DSCAM: variants seen among roughly 807,000 people sequenced by gnomAD.
DSCAM encodes the protein DS cell adhesion molecule.
Under a neutral mutation model 217.7 loss-of-function variants are expected in DSCAM, and 47 were observed. The observed-to-expected ratio is 0.22, with a 90% CI of 0.17 to 0.28. The LOEUF is 0.28. DSCAM is among the 10% of genes least tolerant of loss of function. The probability of loss-of-function intolerance (pLI) is 1.00; values close to 1 mark genes in which losing one functional copy is unlikely to be tolerated. For missense variants in DSCAM, 2,080 were observed against 2,618.3 expected (o/e 0.79, Z 4.49); for synonymous variants, 1,056 against 1,015.3 (o/e 1.04, Z -0.76).
intron 9 of DSCAM, among the ~76,000 whole-genome samples, chr21:40,304,085 T>C (rs1439180989): frequency 6.6e-6 from 1 of 152,232 alleles, no homozygotes; most frequent in Non-Finnish European, 1.5e-5. Context: ...ATCAGTCCAC[T>C]GTCATAAGAG....
At chr21:40,549,260 A>T (rs2076610310) in intron 3 of DSCAM, among the ~76,000 whole-genome samples, 1 of 152,226 alleles carries the variant, frequency 6.6e-6, no homozygotes, top group South Asian at 2.1e-4. Context: ...TTAAAGATAC[A>T]TACATTTAAT....
intron 3 of DSCAM, among the ~76,000 whole-genome samples, chr21:40,567,872 G>A (rs1280713172): frequency 1.3e-5 from 2 of 151,898 alleles, no homozygotes; most frequent in African/African-American, 4.8e-5. Context: ...CAGTCTTTAG[G>A]ATATTTTGTT....
intron 3 of DSCAM, among the ~76,000 whole-genome samples, chr21:40,432,857 C>T (rs1046885974): frequency 2.0e-5 from 3 of 152,102 alleles, no homozygotes; most frequent in African/African-American, 7.2e-5. Flanking sequence ...CCAGGTTCCA[C>T]GGTAGCTGAG....
intron 3 of DSCAM, among the ~76,000 whole-genome samples, chr21:40,567,805 T>C (rs890100040): frequency 8.5e-5 from 13 of 152,380 alleles, no homozygotes; most frequent in Admixed American, 3.3e-4. Context: ...CTATTCCTCG[T>C]TAAATGGCAT....
intron 11 of DSCAM, among the ~76,000 whole-genome samples, chr21:40,269,405 A>T (rs1198912919): frequency 6.6e-6 from 1 of 152,174 alleles, no homozygotes; most frequent in Non-Finnish European, 1.5e-5. Context: ...GGTCCCGGCC[A>T]GGGCTCACAC....
intron 1 of DSCAM, among the ~76,000 whole-genome samples, chr21:40,785,915 AATGCTG>A (rs1304559044): frequency 1.3e-5 from 2 of 152,258 alleles, no homozygotes; most frequent in East Asian, 3.9e-4. Flanking sequence ...TTTTTTCCCT[AATGCTG>A]ATATGCAATT....
intron 1 of DSCAM, among the ~76,000 whole-genome samples, chr21:40,714,764 T>C (rs916504656): frequency 1.3e-5 from 2 of 152,198 alleles, no homozygotes; most frequent in Non-Finnish European, 2.9e-5. Flanking sequence ...TTTGGGGTAC[T>C]GGGATTCAAT....
chr21:40,701,585 G>A (rs1601144165), intron 2 of DSCAM, among the ~76,000 whole-genome samples: 1 of 151,908 alleles, frequency 6.6e-6, no homozygotes, highest in African/African-American at 2.4e-5. Flanking sequence ...TATTTTTTTA[G>A]TGGCACTCCC....
chr21:40,260,869 C>G (rs1266688653), intron 11 of DSCAM, among the ~76,000 whole-genome samples: 1 of 152,150 alleles, frequency 6.6e-6, no homozygotes, highest in Non-Finnish European at 1.5e-5. Flanking sequence ...AATAATGAAA[C>G]TAGAGATTGG....
intron 3 of DSCAM, among the ~76,000 whole-genome samples, chr21:40,467,091 G>C (rs1051068092): frequency 6.6e-6 from 1 of 152,162 alleles, no homozygotes; most frequent in African/African-American, 2.4e-5. Context: ...TTGGCCACCA[G>C]AGGGCTCCCA....
At chr21:40,677,532 C>G (rs1000233663) in intron 3 of DSCAM, among the ~76,000 whole-genome samples, 2 of 152,144 alleles carry the variant, frequency 1.3e-5, no homozygotes, top group African/African-American at 4.8e-5. Context: ...ACTTACTCAA[C>G]ATGTCCATGA....
At chr21:40,460,777 C>T (rs8127307) in intron 3 of DSCAM, among the ~76,000 whole-genome samples, 11,036 of 152,034 alleles carry the variant, frequency 0.073, 781 homozygotes, top group African/African-American at 0.18. Flanking sequence ...ACTGTCAGAA[C>T]GGCAGAAATA....
At chr21:40,580,785 T>C (rs2076899066) in intron 3 of DSCAM, among the ~76,000 whole-genome samples, 1 of 152,170 alleles carries the variant, frequency 6.6e-6, no homozygotes, top group Non-Finnish European at 1.5e-5. Flanking sequence ...AGGAAAAATA[T>C]ATGTACCTAC....
At chr21:40,424,542 C>G (rs1462900188) in intron 3 of DSCAM, among the ~76,000 whole-genome samples, 1 of 152,058 alleles carries the variant, frequency 6.6e-6, no homozygotes, top group Non-Finnish European at 1.5e-5. Context: ...AGAACATGGC[C>G]CTGCAGACAC....
intron 27 of DSCAM, among the ~76,000 whole-genome samples, chr21:40,067,094 A>C (rs2089216725): frequency 6.6e-6 from 1 of 152,232 alleles, no homozygotes; most frequent in South Asian, 2.1e-4. Context: ...CAACGTGCTC[A>C]GAACATTTAC....
intron 1 of DSCAM, among the ~76,000 whole-genome samples, chr21:40,837,743 A>G (rs2092068387): frequency 6.6e-6 from 1 of 152,244 alleles, no homozygotes; most frequent in Non-Finnish European, 1.5e-5. Context: ...AACTGACAAG[A>G]ACTAGATCCG....
chr21:40,806,908 A>G (rs1016795489), intron 1 of DSCAM, among the ~76,000 whole-genome samples: 1 of 152,144 alleles, frequency 6.6e-6, no homozygotes, highest in African/African-American at 2.4e-5. Context: ...GCAGTTGAAC[A>G]ATGAGAACAC....
At chr21:40,238,647 G>C (rs554333995) in intron 11 of DSCAM, among the ~76,000 whole-genome samples, 104 of 152,312 alleles carry the variant, frequency 6.8e-4, no homozygotes, top group African/African-American at 2.4e-3. Flanking sequence ...ACTAATTTGT[G>C]TGTTGCCTAA....
At chr21:40,075,362 C>A in intron 26 of DSCAM, 149 bp from the exon 27 acceptor site, 7 of 860,844 alleles carry the variant, frequency 8.1e-6, no homozygotes, top group Non-Finnish European at 1.2e-5. Context: ...TAGGCCCTGG[C>A]TAACTTTTTT....
Sources: gnomAD v4.1 joint callset for allele counts (sites outside exome capture counted in the v4.1 genomes callset) on GRCh38, gnomAD v4.1.1 for gene constraint, MANE v1.5 for transcripts, NCBI Gene and HGNC (gene_info 2026-07-23, HGNC 2026-07-21) for gene names.